Variants in DAPK2 observed in about 807,000 individuals in gnomAD.
DAPK2 encodes death associated protein kinase 2, also known as death-associated protein kinase 2.
A neutral mutation model predicts 44.1 loss-of-function variants in DAPK2; 35 were observed. The observed-to-expected ratio is 0.79, with a 90% CI of 0.61 to 1.05. DAPK2 has a LOEUF of 1.05. DAPK2 is among the 50% of genes least tolerant of loss of function. The probability of loss-of-function intolerance (pLI) is 0.00; values close to 1 mark genes in which losing one functional copy is unlikely to be tolerated. For synonymous variants in DAPK2, 174 were observed against 182.6 expected (o/e 0.95, Z 0.38); for missense variants, 453 against 483.2 (o/e 0.94, Z 0.59).
chr15:64,022,207 G>C (rs903627753), intron 1 of DAPK2, among the ~76,000 whole-genome samples: 2 of 152,240 alleles, frequency 1.3e-5, no homozygotes, highest in African/African-American at 4.8e-5. Flanking sequence ...GCTACAGGTA[G>C]TGGCTACTGG....
chr15:63,990,298 G>A lies in DAPK2; in HGVS notation c.93-6544C>T, dbSNP rs1301826631. 6.6e-6 allele frequency among the ~76,000 whole-genome samples: 1 copy of A among 152,090 alleles called. No homozygotes were observed. Among genetic ancestry groups the A allele is most frequent in the East Asian group, 1.9e-4 (1 of 5,180 alleles). On this transcript the variant is annotated intron_variant, in intron 1 of 10. Coordinates refer to ENST00000261891, the Ensembl canonical transcript of DAPK2. The surrounding 1 kb of genome is among the most constrained non-coding windows in gnomAD (Gnocchi z 4.3). ...ACAAAAATTAGCTGGGCATGGTGGT[G>A]CACACCTGTAGTCCCAACTACTCGA...
At chr15:63,996,665 A>G (rs2078956339) in intron 1 of DAPK2, among the ~76,000 whole-genome samples, 1 of 152,158 alleles carries the variant, frequency 6.6e-6, no homozygotes, top group South Asian at 2.1e-4. Context: ...CGTTCACTCC[A>G]GGACACGAGC....
At chr15:63,982,851 A>G (rs2078561522) in intron 2 of DAPK2, among the ~76,000 whole-genome samples, 1 of 152,162 alleles carries the variant, frequency 6.6e-6, no homozygotes, top group Non-Finnish European at 1.5e-5. Flanking sequence ...CAGCGTTGTT[A>G]TGAGGATTAA....
In DAPK2 at chr15:63,939,966, A is replaced by G. The variant is rs992000363; in HGVS notation, c.454-605T>C. ...AAAAATGCACCCGATTTCCAGGGAA[A>G]ATACCAGCTGCTCAGGCTATTTCCA... On this transcript the variant is annotated intron_variant, in intron 3 of 10. Coordinates refer to ENST00000261891, the Ensembl canonical transcript of DAPK2. The surrounding 1 kb of genome is among the most constrained non-coding windows in gnomAD (Gnocchi z 4.3). Among the ~76,000 whole-genome samples, 5 of 152,236 alleles carry G rather than the reference A, an allele frequency of 3.3e-5. No individual in the cohort carries two copies. Among genetic ancestry groups the G allele is most frequent in the Non-Finnish European group, 7.3e-5 (5 of 68,048 alleles).
chr15:63,934,820 A>G (rs571709424), intron 4 of DAPK2, among the ~76,000 whole-genome samples: 22 of 152,292 alleles, frequency 1.4e-4, no homozygotes, highest in African/African-American at 4.6e-4. Context: ...TGGCCTCCCA[A>G]AAAAGCTGGG....
At chr15:63,924,551 GA>G in intron 8 of DAPK2, 1 of 439,888 alleles carries the variant, frequency 2.3e-6, no homozygotes, top group Non-Finnish European at 4.1e-6. Flanking sequence ...TGGCCCCAAA[GA>G]AAAAGGGTTT....
chr15:63,977,610 C>G (rs182266356), intron 2 of DAPK2, among the ~76,000 whole-genome samples: 20 of 152,264 alleles, frequency 1.3e-4, no homozygotes, highest in South Asian at 1.2e-3. Flanking sequence ...GACATAAACA[C>G]CGTACATGGT....
At chr15:63,948,874 C>T (rs931641114) in intron 3 of DAPK2, among the ~76,000 whole-genome samples, 3 of 152,132 alleles carry the variant, frequency 2.0e-5, no homozygotes, top group African/African-American at 7.2e-5. Flanking sequence ...AAAACTGACC[C>T]CAGTTTTACA....
At chr15:63,938,152 T>G (rs147947562) in intron 4 of DAPK2, among the ~76,000 whole-genome samples, 1 of 152,322 alleles carries the variant, frequency 6.6e-6, no homozygotes, top group East Asian at 1.9e-4. Flanking sequence ...AACTAAATTG[T>G]AAGCTCTTTG....
intron 3 of DAPK2, among the ~76,000 whole-genome samples, chr15:63,950,209 T>G (rs983913675): frequency 1.3e-5 from 2 of 152,212 alleles, no homozygotes; most frequent in African/African-American, 4.8e-5. Context: ...GATAACTTAT[T>G]AGAAAGAGAA....
At chr15:64,019,504 A>C (rs2079624303) in intron 1 of DAPK2, among the ~76,000 whole-genome samples, 1 of 152,212 alleles carries the variant, frequency 6.6e-6, no homozygotes, top group Admixed American at 6.5e-5. Flanking sequence ...ACTCTTCAGA[A>C]AGAATTATCT....
At chr15:64,039,019 T>A (rs1296474434) in intron 1 of DAPK2, among the ~76,000 whole-genome samples, 2 of 152,226 alleles carry the variant, frequency 1.3e-5, no homozygotes, top group East Asian at 1.9e-4. Flanking sequence ...AGCCTTCCCA[T>A]CTTTGCTTAG....
In DAPK2 at chr15:64,016,803, AGGGAAGGGGAAG is replaced by A. The variant is rs141666506; in HGVS notation, c.92+23355_92+23366del. On this transcript the variant is annotated intron_variant, in intron 1 of 10. Transcript: ENST00000261891. ...GAAGAAAGAAAGGAGGAAAGAAAGA[AGGGAAGGGGAAG>A]GGGAAGGGGAAGGAAGGAAGGAGGG... Among the ~76,000 whole-genome samples the A allele has an allele frequency of 1.2e-3, 172 of 144,382 alleles. 2 individuals are homozygous for A. The highest frequency in any genetic ancestry group is 4.2e-3 in the African/African-American group (162 of 38,396). 94.7% of individuals were successfully genotyped at this position (144,382 alleles called of 152,430 possible).
chr15:64,035,281 T>C (rs538422254), intron 1 of DAPK2, among the ~76,000 whole-genome samples: 1 of 152,294 alleles, frequency 6.6e-6, no homozygotes, highest in South Asian at 2.1e-4. Flanking sequence ...GTGCATGCAG[T>C]AGTTGTCTAT....
chr15:63,934,257 T>TTG (rs1175592311), intron 4 of DAPK2, among the ~76,000 whole-genome samples: 1 of 133,216 alleles, frequency 7.5e-6, no homozygotes. Context: ...TAGTTTTTTT[T>TTG]TTTTTTTTTT....
At chr15:63,933,117 CCA>C (rs1196645184) in intron 4 of DAPK2, among the ~76,000 whole-genome samples, 1 of 152,134 alleles carries the variant, frequency 6.6e-6, no homozygotes, top group Non-Finnish European at 1.5e-5. Context: ...GACGAATAGT[CCA>C]CAGACTGTCA....
chr15:63,922,999 C>A, intron 8 of DAPK2: 1 of 1,535,914 alleles, frequency 6.5e-7, no homozygotes, highest in Non-Finnish European at 8.7e-7. Flanking sequence ...CTTCTCGCAG[C>A]AGCTTCTTCA....
chr15:63,953,996 C>G (rs2077657089), intron 3 of DAPK2, among the ~76,000 whole-genome samples: 1 of 152,092 alleles, frequency 6.6e-6, no homozygotes, highest in African/African-American at 2.4e-5. Context: ...ATTTTTAAAT[C>G]AGATTATTAG....
At chr15:64,041,883 C>G (rs899340676), upstream of DAPK2, among the ~76,000 whole-genome samples, 10 of 152,206 alleles carry the variant, frequency 6.6e-5, no homozygotes, top group Admixed American at 6.5e-4. Flanking sequence ...GCCTGAAGAC[C>G]CTCAGGCAGA....
Sources: gnomAD v4.1 joint callset for allele counts (sites outside exome capture counted in the v4.1 genomes callset) on GRCh38, gnomAD v4.1.1 for gene constraint, Gnocchi (gnomAD v3.1) non-coding constraint, MANE v1.5 for transcripts, NCBI Gene and HGNC (gene_info 2026-07-23, HGNC 2026-07-21) for gene names.